WWOX: variants seen among roughly 807,000 people sequenced by gnomAD.
WWOX encodes WW domain-containing oxidoreductase.
A neutral mutation model predicts 46.2 loss-of-function variants in WWOX; 69 were observed. The ratio of observed to expected loss-of-function variants is 1.49; its 90% CI spans 1.23 to 1.82. WWOX has a LOEUF of 1.82. Ranked by LOEUF, WWOX falls within the 40% of genes most tolerant of loss-of-function variation. WWOX has a pLI of 0.00. For missense variants in WWOX, 919 were observed against 542.6 expected, an observed-to-expected ratio of 1.69 and a Z score of -6.89; for synonymous variants, 359 against 202.6, an observed-to-expected ratio of 1.77 and a Z score of -6.56.
chr16:78,576,214 C>G (rs564635181), intron 8 of WWOX, among the ~76,000 whole-genome samples: 3 of 152,156 alleles, frequency 2.0e-5, no homozygotes, highest in Non-Finnish European at 2.9e-5. Context: ...CTTGAGGTAT[C>G]TTTTAAATAG....
intron 8 of WWOX, among the ~76,000 whole-genome samples, chr16:78,771,056 C>G (rs1310662053): frequency 1.3e-5 from 2 of 152,184 alleles, no homozygotes; most frequent in African/African-American, 2.4e-5. Flanking sequence ...GTGCAAAGGC[C>G]CTCAGGTCAG....
At chr16:78,312,620 C>T (rs975456674) in intron 5 of WWOX, among the ~76,000 whole-genome samples, 1 of 152,158 alleles carries the variant, frequency 6.6e-6, no homozygotes, top group African/African-American at 2.4e-5. Context: ...GGTGATCCAC[C>T]TACCTTGGCC....
intron 5 of WWOX, among the ~76,000 whole-genome samples, chr16:78,354,127 G>A (rs1597084549): frequency 6.6e-6 from 1 of 152,150 alleles, no homozygotes; most frequent in Admixed American, 6.5e-5. Flanking sequence ...GGGTTCATCT[G>A]TGAATCAGGA....
intron 8 of WWOX, among the ~76,000 whole-genome samples, chr16:78,677,454 A>T (rs1221176504): frequency 6.6e-6 from 1 of 152,192 alleles, no homozygotes; most frequent in Non-Finnish European, 1.5e-5. Flanking sequence ...CACAAAAAAA[A>T]TTCGGATTTC....
chr16:78,912,281 C>A (rs929235690), intron 8 of WWOX, among the ~76,000 whole-genome samples: 2 of 152,036 alleles, frequency 1.3e-5, no homozygotes, highest in Non-Finnish European at 1.5e-5. Flanking sequence ...ATTGAAGTCT[C>A]ACTGTGTGCC....
At chr16:78,246,948 C>G (rs2037832611) in intron 5 of WWOX, among the ~76,000 whole-genome samples, 1 of 152,224 alleles carries the variant, frequency 6.6e-6, no homozygotes, top group Admixed American at 6.5e-5. Flanking sequence ...TGTTTCCAGT[C>G]AGACCATAGC....
At chr16:78,327,800 C>G (rs2080661768) in intron 5 of WWOX, among the ~76,000 whole-genome samples, 1 of 150,678 alleles carries the variant, frequency 6.6e-6, no homozygotes, top group African/African-American at 2.4e-5. Context: ...TTCTGCAAAG[C>G]TCTTAGAGCA....
chr16:78,806,488 G>A lies in WWOX; in HGVS notation c.1056+373736G>A, dbSNP rs113485269. Among the ~76,000 whole-genome samples, 1,246 of 152,280 alleles carry A rather than the reference G, an allele frequency of 8.2e-3. 12 individuals are homozygous for A. The highest frequency in any genetic ancestry group is 0.027 in the Middle Eastern group (8 of 294). ...TGAAGCAGCTTGAAAGCCAGGGTCT[G>A]AGATCATCTGAAGGTTGTTCACTCA... On this transcript the variant is annotated intron_variant, in intron 8 of 8. Coordinates refer to ENST00000566780, the MANE Select transcript of WWOX (RefSeq NM_016373.4).
intron 8 of WWOX, among the ~76,000 whole-genome samples, chr16:79,020,742 G>A (rs957221905): frequency 6.6e-6 from 1 of 152,156 alleles, no homozygotes; most frequent in Admixed American, 6.6e-5. Context: ...GGGTGTTGAT[G>A]TCAACACGCA....
At chr16:78,693,569 TG>T (rs1219266121) in intron 8 of WWOX, among the ~76,000 whole-genome samples, 1 of 152,070 alleles carries the variant, frequency 6.6e-6, no homozygotes, top group Non-Finnish European at 1.5e-5. Flanking sequence ...GTATTTCAGG[TG>T]GGGGGCCCTC....
chr16:78,826,710 T>C (rs1274662093), intron 8 of WWOX, among the ~76,000 whole-genome samples: 1 of 152,192 alleles, frequency 6.6e-6, no homozygotes, highest in East Asian at 1.9e-4. Context: ...CTTCACAAGT[T>C]GCAGGGATTT....
intron 8 of WWOX, among the ~76,000 whole-genome samples, chr16:79,096,669 A>T (rs745658621): frequency 6.6e-6 from 1 of 152,068 alleles, no homozygotes; most frequent in Non-Finnish European, 1.5e-5. Flanking sequence ...TCCAAGCACA[A>T]TTTCCAGTTA....
At chr16:78,484,617 A>C (rs1193002379) in intron 8 of WWOX, among the ~76,000 whole-genome samples, 1 of 152,216 alleles carries the variant, frequency 6.6e-6, no homozygotes, top group African/African-American at 2.4e-5. Flanking sequence ...TCAAGGTGGC[A>C]AACGGTAGTA....
intron 8 of WWOX, among the ~76,000 whole-genome samples, chr16:79,036,253 G>C (rs1173565845): frequency 2.0e-5 from 3 of 152,162 alleles, no homozygotes; most frequent in African/African-American, 7.2e-5. Flanking sequence ...ATGCCATGGG[G>C]CCTACTTTTT....
chr16:78,540,018 T>TCACACACACACA (rs764527946), intron 8 of WWOX, among the ~76,000 whole-genome samples: 2 of 102,452 alleles, frequency 2.0e-5, no homozygotes, highest in African/African-American at 5.8e-5. Flanking sequence ...TCTCTCTCTC[T>TCACACACACACA]CTCACACACA....
intron 4 of WWOX, among the ~76,000 whole-genome samples, chr16:78,135,190 A>T (rs2033745114): frequency 6.6e-6 from 1 of 152,212 alleles, no homozygotes; most frequent in African/African-American, 2.4e-5. Context: ...ACCCACGTGC[A>T]ACAACTCAAG....
chr16:78,827,440 G>T (rs1213331232), intron 8 of WWOX, among the ~76,000 whole-genome samples: 1 of 148,472 alleles, frequency 6.7e-6, no homozygotes, highest in African/African-American at 2.5e-5. Flanking sequence ...TAGTCTCGAA[G>T]GCTGTTTTCT....
At chr16:78,594,450 A>G (rs1386750665) in intron 8 of WWOX, among the ~76,000 whole-genome samples, 1 of 18,258 alleles carries the variant, frequency 5.5e-5, no homozygotes, top group Non-Finnish European at 9.8e-5. Context: ...CCCCCCGCCA[A>G]ATTGTCCCGT....
intron 8 of WWOX, among the ~76,000 whole-genome samples, chr16:78,622,317 C>G (rs1002627974): frequency 6.6e-6 from 1 of 152,008 alleles, no homozygotes; most frequent in South Asian, 2.1e-4. Context: ...CCGAGGCAGG[C>G]AGATCACCTG....
Sources: allele counts gnomAD v4.1 joint callset (sites outside exome capture counted in the v4.1 genomes callset), GRCh38; gene constraint gnomAD v4.1.1; transcripts MANE v1.5; gene names NCBI Gene and HGNC (gene_info 2026-07-23, HGNC 2026-07-21).